KIF27: variants seen among roughly 807,000 people sequenced by gnomAD.
KIF27 encodes kinesin-like protein KIF27.
A neutral mutation model predicts 141.8 loss-of-function variants in KIF27; 84 were observed. The observed-to-expected ratio is 0.59, with a 90% confidence interval of 0.50 to 0.71. KIF27 has a LOEUF of 0.71. Ranked by LOEUF, KIF27 falls within the 30% of genes least tolerant of loss-of-function variation. The probability of loss-of-function intolerance (pLI) is 0.00; values close to 1 mark genes in which losing one functional copy is unlikely to be tolerated. For synonymous variants in KIF27, 471 were observed against 569.5 expected, an observed-to-expected ratio of 0.83 and a Z score of 2.46; for missense variants, 1,306 against 1,628.4, an observed-to-expected ratio of 0.80 and a Z score of 3.41.
intron 11 of KIF27, among the ~76,000 whole-genome samples, chr9:83,878,375 C>T (rs1951404633): frequency 6.6e-6 from 1 of 151,826 alleles, no homozygotes; most frequent in South Asian, 2.1e-4. Flanking sequence ...TACCATATAA[C>T]CCAGAAATTC....
chr9:83,903,355 C>T lies in KIF27; in HGVS notation c.1163G>A (p.Ser388Asn). The T allele has an allele frequency of 6.2e-7, 1 of 1,614,196 alleles. No individual in the cohort carries two copies. Among genetic ancestry groups the T allele is most frequent in the Non-Finnish European group, 8.5e-7 (1 of 1,180,032 alleles). The part of the protein sequence containing the change: ...SQTTQINREG[S>N]PDTNRIHSLE... ...AGAATGAATCCTATTTGTATCAGGA[C>T]TCCCTTCTCGATTGATCTGGGTAGT... Residue 388 changes from serine to asparagine, a missense_variant, in exon 4 of 18, where the codon AGT becomes AAT. Ser to Asn is a conservative substitution (Grantham distance 46). This residue lies in a region of KIF27 where 533 missense variants were observed against 565.6 expected (regional missense o/e 0.94). Transcript: ENST00000297814.
chr9:83,869,502 G>A (rs975369650), intron 12 of KIF27, among the ~76,000 whole-genome samples: 13 of 152,286 alleles, frequency 8.5e-5, no homozygotes, highest in South Asian at 2.1e-4. Context: ...TTGGGAGGCC[G>A]AGGCGGGCAG....
In KIF27 at chr9:83,891,400, T is replaced by G. The variant is rs1013527745; in HGVS notation, c.1704A>C (p.Gly568=). The change falls in exon 6 of 18, where the codon GGA becomes GGC. Residue 568 remains glycine (G), a synonymous_variant. Transcript: ENST00000297814. ...SVTSSAKENC[G]DGPDARIPER... ...CAGGGATCCTGGCATCTGGCCCATC[T>G]CCACAATTTTCTTTAGCTGAAGAAG... 1 of 1,613,944 alleles carries G rather than the reference T, an allele frequency of 6.2e-7. No individual in the cohort carries two copies. The highest frequency in any genetic ancestry group is 8.5e-7 in the Non-Finnish European group (1 of 1,179,886).
intron 11 of KIF27, among the ~76,000 whole-genome samples, chr9:83,875,671 A>G (rs1211994052): frequency 2.0e-5 from 3 of 152,160 alleles, no homozygotes; most frequent in African/African-American, 7.2e-5. Flanking sequence ...AGAGGAAAAA[A>G]CAAGGAAGGT....
intron 11 of KIF27, among the ~76,000 whole-genome samples, chr9:83,877,460 T>A (rs747711669): frequency 8.5e-5 from 13 of 152,108 alleles, no homozygotes; most frequent in Admixed American, 5.9e-4. Context: ...GAGTTCCACA[T>A]GCAAAAGAAT....
intron 6 of KIF27, among the ~76,000 whole-genome samples, chr9:83,889,910 CA>C (rs909936471): frequency 4.7e-5 from 7 of 150,432 alleles, no homozygotes; most frequent in Non-Finnish European, 5.9e-5. Flanking sequence ...TTTAAATTCT[CA>C]AAAAAAAATG....
intron 15 of KIF27, among the ~76,000 whole-genome samples, chr9:83,852,976 A>C (rs1948782352): frequency 6.6e-6 from 1 of 152,204 alleles, no homozygotes; most frequent in Non-Finnish European, 1.5e-5. Flanking sequence ...AATTGAATGT[A>C]CTTTTCAGAG....
At position 83,908,541 on chromosome 9, in the gene KIF27, T is replaced by C; in HGVS notation, c.410A>G (p.Glu137Gly). 2 of 1,610,394 alleles carry C rather than the reference T, an allele frequency of 1.2e-6. No individual in the cohort carries two copies. The highest frequency in any genetic ancestry group is 1.7e-6 in the Non-Finnish European group (2 of 1,176,880). Residue 137 changes from glutamate (E) to glycine (G), a missense_variant, in exon 3 of 18, where the codon GAA becomes GGA. Coordinates refer to ENST00000297814, the MANE Select transcript of KIF27 (RefSeq NM_017576.4). ...ATCTCTTAGGTCTTCCTTGTACACT[T>C]CTATATAAGATACTTTTACATTAAA... ...IDFNVKVSYI[E>G]VYKEDLRDLL...
intron 3 of KIF27, among the ~76,000 whole-genome samples, chr9:83,904,333 T>C (rs940185567): frequency 6.6e-6 from 1 of 152,214 alleles, no homozygotes. Flanking sequence ...AGAAAAACCC[T>C]TCATTCCAGT....
intron 11 of KIF27, among the ~76,000 whole-genome samples, chr9:83,871,799 A>G (rs1354110194): frequency 6.6e-6 from 1 of 151,416 alleles, no homozygotes; most frequent in East Asian, 2.0e-4. Context: ...AGTAATTCTC[A>G]TGCCTCAGCC....
At chr9:83,842,180 T>A in intron 17 of KIF27, 57 bp downstream of exon 17, 2 of 1,448,138 alleles carry the variant, frequency 1.4e-6, no homozygotes, top group Middle Eastern at 2.1e-4. Context: ...AAAGCTGGCA[T>A]GACTTCACCA....
chr9:83,843,431 T>C (rs1946820965), intron 16 of KIF27, among the ~76,000 whole-genome samples: 1 of 151,712 alleles, frequency 6.6e-6, no homozygotes, highest in Non-Finnish European at 1.5e-5. Context: ...AAACATAATT[T>C]CAGACCTACT....
intron 1 of KIF27, among the ~76,000 whole-genome samples, chr9:83,918,294 A>G (rs1435260179): frequency 1.5e-5 from 2 of 131,588 alleles, no homozygotes; most frequent in African/African-American, 5.9e-5. Context: ...CTTGTCTCAA[A>G]GAGAGAGAGA....
chr9:83,894,944 G>A (rs1433994768), intron 5 of KIF27, among the ~76,000 whole-genome samples: 7 of 151,998 alleles, frequency 4.6e-5, no homozygotes, highest in African/African-American at 1.4e-4. Flanking sequence ...ATAAAAGATT[G>A]GTTAAAAATC....
rs556041928 is a variant in KIF27 at position 83,861,547 on chromosome 9, T to C, written c.2935-2176A>G. Among the ~76,000 whole-genome samples the C allele has an allele frequency of 2.0e-4, 30 of 152,358 alleles. No individual in the cohort carries two copies. The East Asian group carries it at 5.0e-3, about 25-fold the overall frequency. ...TGGCTGCATAGTATTCCACGGTGTG[T>C]ATGTGCCACATTTTCTTAATCCAGT... On this transcript the variant is annotated intron_variant, in intron 13 of 17. Coordinates refer to ENST00000297814, the MANE Select transcript of KIF27 (RefSeq NM_017576.4).
intron 11 of KIF27, among the ~76,000 whole-genome samples, chr9:83,878,842 G>A (rs1167244465): frequency 6.6e-6 from 1 of 151,914 alleles, no homozygotes; most frequent in African/African-American, 2.4e-5. Flanking sequence ...GGTTGCACAA[G>A]ATTGTGAATG....
At chr9:83,908,723 G>T in intron 2 of KIF27, 71 bp from the exon 3 acceptor site, 7 of 881,356 alleles carry the variant, frequency 7.9e-6, no homozygotes, top group East Asian at 2.6e-5. Context: ...CAAATTTATA[G>T]TTAATTTATT....
chr9:83,841,881 T>C (rs1189129626), intron 17 of KIF27, among the ~76,000 whole-genome samples: 2 of 152,190 alleles, frequency 1.3e-5, no homozygotes, highest in Non-Finnish European at 2.9e-5. Context: ...ACTTTTACTC[T>C]TACCTACCAT....
Position 83,880,505 on chromosome 9 carries a change from A to G in KIF27, c.2446-11T>C, listed in dbSNP as rs1433771982. 6.3e-6 allele frequency: 10 copies of G among 1,591,988 alleles called. No individual in the cohort carries two copies. Among genetic ancestry groups the G allele is most frequent in the South Asian group, 3.4e-5 (3 of 88,744 alleles). Reference sequence around the variant, plus strand: ...CTTCTTCTGCAAGACCTGAGATCATATGGAATATTTCAAAATGAAAAACTG... The same window carrying G: ...CTTCTTCTGCAAGACCTGAGATCATGTGGAATATTTCAAAATGAAAAACTG... On this transcript the variant is annotated splice_polypyrimidine_tract_variant and intron_variant, in intron 10 of 17. Coordinates refer to ENST00000297814, the MANE Select transcript of KIF27 (RefSeq NM_017576.4).
Sources: gnomAD v4.1 joint callset for allele counts (sites outside exome capture counted in the v4.1 genomes callset) on GRCh38, gnomAD v4.1.1 for gene constraint, gnomAD v4.1.1 regional missense constraint, MANE v1.5 for transcripts, NCBI Gene and HGNC (gene_info 2026-07-23, HGNC 2026-07-21) for gene names.